Variants in KCNAB1 observed in about 807,000 individuals in gnomAD.
The protein encoded by KCNAB1 is voltage-gated potassium channel subunit beta-1.
A neutral mutation model predicts 64.6 loss-of-function variants in KCNAB1; 35 were observed. The ratio of observed to expected loss-of-function variants is 0.54; its 90% CI spans 0.41 to 0.72. The LOEUF (loss-of-function observed/expected upper bound fraction) is 0.72, where lower values mean the gene tolerates loss of function less well. Ranked by LOEUF, KCNAB1 falls within the 30% of genes least tolerant of loss-of-function variation. The pLI is 0.00. For synonymous variants in KCNAB1, 177 were observed against 183.8 expected (o/e 0.96, Z 0.30); for missense variants, 401 against 512.9 (o/e 0.78, Z 2.11).
intron 1 of KCNAB1, among the ~76,000 whole-genome samples, chr3:156,195,028 A>G (rs1442231804): frequency 2.0e-5 from 3 of 152,238 alleles, no homozygotes; most frequent in East Asian, 1.9e-4. Context: ...GAGCGAGAAC[A>G]TGCAATGTTT....
At chr3:156,251,982 G>A (rs1054363562) in intron 1 of KCNAB1, among the ~76,000 whole-genome samples, 1 of 152,220 alleles carries the variant, frequency 6.6e-6, no homozygotes, top group Non-Finnish European at 1.5e-5. Flanking sequence ...AGTCATGACT[G>A]CTGCATGTTC....
chr3:156,275,278 C>A (rs973183980), intron 1 of KCNAB1, among the ~76,000 whole-genome samples: 1 of 152,130 alleles, frequency 6.6e-6, no homozygotes, highest in African/African-American at 2.4e-5. Context: ...AATGTACACA[C>A]CTTAATTTAA....
At chr3:156,502,427 C>T (rs919532501) in intron 8 of KCNAB1, among the ~76,000 whole-genome samples, 5 of 151,588 alleles carry the variant, frequency 3.3e-5, no homozygotes, top group African/African-American at 9.7e-5. Context: ...TACTCTAGAA[C>T]ATCAGTGGGA....
chr3:156,304,261 C>T (rs979618613), intron 1 of KCNAB1, among the ~76,000 whole-genome samples: 11 of 152,092 alleles, frequency 7.2e-5, no homozygotes, highest in African/African-American at 2.7e-4. Flanking sequence ...ACATTCTTTG[C>T]CAGTAAAATC....
intron 1 of KCNAB1, among the ~76,000 whole-genome samples, chr3:156,370,689 A>G (rs1726244327): frequency 6.6e-6 from 1 of 152,194 alleles, no homozygotes; most frequent in Non-Finnish European, 1.5e-5. Context: ...CCCTCCCTGG[A>G]TTGTATCTCT....
At chr3:156,350,534 T>C (rs1243781117) in intron 1 of KCNAB1, among the ~76,000 whole-genome samples, 3 of 152,106 alleles carry the variant, frequency 2.0e-5, no homozygotes, top group African/African-American at 7.2e-5. Flanking sequence ...GAGTGATTAT[T>C]TTCCTCACAG....
rs60469602 is a variant in KCNAB1, at chr3:156,502,532, CCACACACACACACACACACA to C, written c.659-11809_659-11790del. On this transcript the variant is annotated intron_variant, in intron 8 of 13. Transcript: ENST00000490337. ...ATGAAACCAGATCCCTACCTTACAA[CCACACACACACACACACACA>C]CACACACACACACACACACACAAAT... 5.8e-3 allele frequency among the ~76,000 whole-genome samples: 825 copies of C among 142,914 alleles called. 9 individuals carry two copies. Among genetic ancestry groups the C allele is most frequent in the African/African-American group, 0.02 (771 of 38,978 alleles). The allele number at this position is 142,914 out of a possible 152,430, so 93.8% of individuals were successfully genotyped here. A position where few individuals can be genotyped will look rare whatever the true frequency, so the allele number is the denominator to read the frequency against.
intron 10 of KCNAB1, among the ~76,000 whole-genome samples, chr3:156,515,932 T>C (rs1717529127): frequency 6.6e-6 from 1 of 152,202 alleles, no homozygotes. Flanking sequence ...GTGTTTACTA[T>C]GTACCAGGTG....
intron 1 of KCNAB1, among the ~76,000 whole-genome samples, chr3:156,306,899 A>G (rs1721526688): frequency 6.6e-6 from 1 of 152,232 alleles, no homozygotes; most frequent in South Asian, 2.1e-4. Context: ...CGTGGTAAAC[A>G]TGGACAGAAT....
chr3:156,413,470 A>G (rs1051388340), intron 1 of KCNAB1, among the ~76,000 whole-genome samples: 2 of 152,216 alleles, frequency 1.3e-5, no homozygotes. Context: ...CCTATCTTAA[A>G]TGCTGCAACC....
At chr3:156,232,370 T>TA (rs1285278749) in intron 1 of KCNAB1, among the ~76,000 whole-genome samples, 2 of 152,102 alleles carry the variant, frequency 1.3e-5, no homozygotes, top group African/African-American at 4.8e-5. Context: ...ACCAGATACT[T>TA]ACTTACACTT....
At chr3:156,281,482 A>G (rs1719711136) in intron 1 of KCNAB1, among the ~76,000 whole-genome samples, 1 of 151,134 alleles carries the variant, frequency 6.6e-6, no homozygotes, top group Admixed American at 6.6e-5. Flanking sequence ...GGCCTCATAA[A>G]ATGAGTTAGG....
chr3:156,336,936 T>C (rs1472810443), intron 1 of KCNAB1, among the ~76,000 whole-genome samples: 1 of 152,226 alleles, frequency 6.6e-6, no homozygotes, highest in African/African-American at 2.4e-5. Context: ...TCATAGCTAC[T>C]TGAAGTGCAA....
intron 1 of KCNAB1, among the ~76,000 whole-genome samples, chr3:156,366,215 C>T (rs2108117136): frequency 6.6e-6 from 1 of 152,250 alleles, no homozygotes; most frequent in Non-Finnish European, 1.5e-5. Flanking sequence ...TATGTTCACT[C>T]CTTCTCTCCG....
At position 156,127,143 on chromosome 3, in the gene KCNAB1, TC is replaced by T. The variant is rs1278091751; in HGVS notation, c.275+6259del. On this transcript the variant is annotated intron_variant, in intron 1 of 13. Coordinates refer to ENST00000490337, the MANE Select transcript of KCNAB1 (RefSeq NM_172160.3). ...CTCACCTCTGCCACTTTCCTCTTTTTCCACATTCCTGGAACATAGTGGACAG... is the reference window on the plus strand; with the variant it reads ...CTCACCTCTGCCACTTTCCTCTTTTTCACATTCCTGGAACATAGTGGACAG... 2.0e-5 allele frequency among the ~76,000 whole-genome samples: 3 copies of T among 152,330 alleles called. No individual in the cohort carries two copies. In the East Asian group the frequency reaches 5.8e-4, roughly 29 times the overall value.
intron 1 of KCNAB1, among the ~76,000 whole-genome samples, chr3:156,154,748 C>T (rs370107005): frequency 7.4e-4 from 112 of 152,232 alleles, no homozygotes; most frequent in African/African-American, 2.6e-3. Flanking sequence ...AGACCCTGGC[C>T]CATTTGACTC....
chr3:156,329,218 C>T (rs1379813701), intron 1 of KCNAB1, among the ~76,000 whole-genome samples: 2 of 152,034 alleles, frequency 1.3e-5, no homozygotes, highest in Non-Finnish European at 2.9e-5. Context: ...ATTTGAAATG[C>T]CTTGAGATCA....
At chr3:156,224,255 C>T (rs979020133) in intron 1 of KCNAB1, among the ~76,000 whole-genome samples, 4 of 152,236 alleles carry the variant, frequency 2.6e-5, no homozygotes, top group Admixed American at 6.5e-5. Context: ...ACCCGGAACT[C>T]GTGCTGGCCC....
intron 1 of KCNAB1, among the ~76,000 whole-genome samples, chr3:156,225,016 A>G (rs1716060931): frequency 6.6e-6 from 1 of 152,224 alleles, no homozygotes; most frequent in Admixed American, 6.5e-5. Context: ...TACCAATCCT[A>G]TTGACACTAT....
Sources: gnomAD v4.1 joint callset for allele counts (sites outside exome capture counted in the v4.1 genomes callset) on GRCh38, gnomAD v4.1.1 for gene constraint, MANE v1.5 for transcripts, NCBI Gene and HGNC (gene_info 2026-07-23, HGNC 2026-07-21) for gene names.